The following IL1RAPL2 variants were observed in gnomAD, a reference collection of about 807,000 sequenced individuals.
IL1RAPL2 encodes X-linked interleukin-1 receptor accessory protein-like 2.
IL1RAPL2 carries 3 observed loss-of-function variants against 44.1 expected under a neutral mutation model. The ratio of observed to expected loss-of-function variants is 0.07; its 90% confidence interval spans 0.03 to 0.18. IL1RAPL2 has a LOEUF of 0.18. Among genes scored for constraint, IL1RAPL2 ranks in the 10% least tolerant of loss-of-function variants. The pLI, the probability that IL1RAPL2 is intolerant of heterozygous loss-of-function variation, is 1.00. For synonymous variants in IL1RAPL2, 181 were observed against 178.8 expected (o/e 1.01, Z -0.10); for missense variants, 391 against 496.4 (o/e 0.79, Z 2.02).
At chrX:105,261,172 G>T (rs1034574815) in intron 4 of IL1RAPL2, among the ~76,000 whole-genome samples, 1 of 111,629 alleles carries the variant, frequency 9.0e-6, no homozygotes, top group African/African-American at 3.3e-5. Flanking sequence ...AAGATCCGTG[G>T]GAGAAGGTGG....
intron 2 of IL1RAPL2, among the ~76,000 whole-genome samples, chrX:105,048,184 A>G (rs898300849): frequency 4.5e-5 from 5 of 112,211 alleles, no homozygotes; most frequent in African/African-American, 1.6e-4. Context: ...TGGTTCCTCA[A>G]AAGATATTAA....
chrX:104,578,439 C>T (rs748089013), intron 1 of IL1RAPL2, among the ~76,000 whole-genome samples: 48 of 111,924 alleles, frequency 4.3e-4, no homozygotes, highest in Middle Eastern at 4.6e-3. Context: ...ACACCTTACA[C>T]ATTTCCTGAT....
intron 1 of IL1RAPL2, among the ~76,000 whole-genome samples, chrX:104,587,340 G>A (rs1240072231): frequency 8.9e-6 from 1 of 111,965 alleles, no homozygotes; most frequent in Non-Finnish European, 1.9e-5. Flanking sequence ...GCCCTCAGAA[G>A]ACATCTTGAC....
chrX:105,139,941 T>A (rs1028380784), intron 2 of IL1RAPL2, among the ~76,000 whole-genome samples: 1 of 112,071 alleles, frequency 8.9e-6, no homozygotes, highest in Admixed American at 9.5e-5. Flanking sequence ...CAGACAGATG[T>A]CATCTAACAC....
intron 2 of IL1RAPL2, among the ~76,000 whole-genome samples, chrX:104,713,553 GT>G (rs1464933743): frequency 9.0e-6 from 1 of 110,871 alleles, no homozygotes; most frequent in Non-Finnish European, 1.9e-5. Context: ...TTGAATTCAA[GT>G]TTTTTAAACC....
At chrX:105,237,006 G>A (rs1324084789) in intron 4 of IL1RAPL2, among the ~76,000 whole-genome samples, 3 of 110,232 alleles carry the variant, frequency 2.7e-5, no homozygotes, top group African/African-American at 6.6e-5. Context: ...TCCCCCCACC[G>A]CACAGCAGGA....
At chrX:105,687,356 GA>G (rs1357739908) in intron 6 of IL1RAPL2, among the ~76,000 whole-genome samples, 1 of 110,238 alleles carries the variant, frequency 9.1e-6, no homozygotes, top group Non-Finnish European at 1.9e-5. Flanking sequence ...AGAAAAGAGA[GA>G]AGAATCAAAT....
chrX:105,102,777 A>T (rs188023086), intron 2 of IL1RAPL2, among the ~76,000 whole-genome samples: 27 of 112,105 alleles, frequency 2.4e-4, no homozygotes, highest in African/African-American at 8.7e-4. Flanking sequence ...CAATAACCCA[A>T]AATGAAAGCT....
In IL1RAPL2 at chrX:105,408,155, C is replaced by A. The variant is rs747695102; in HGVS notation, c.698-76158C>A. Among the ~76,000 whole-genome samples the A allele has an allele frequency of 4.5e-5, 5 of 112,248 alleles. No individual in the cohort carries two copies. The South Asian group carries it at 1.1e-3, about 25-fold the overall frequency. On this transcript the variant is annotated intron_variant, in intron 5 of 10. Transcript: ENST00000372582. ...ACATTTTATTATAGCCACCAAAAAA[C>A]AGATGTAAAGTAAAAATAAAGGCAT... is the stretch of plus-strand genomic sequence containing the variant.
intron 2 of IL1RAPL2, among the ~76,000 whole-genome samples, chrX:105,015,052 T>G (rs2031144945): frequency 8.9e-6 from 1 of 112,254 alleles, no homozygotes; most frequent in African/African-American, 3.2e-5. Flanking sequence ...GATTTGCATT[T>G]CCCTAATGAC....
In IL1RAPL2 at chrX:105,071,843, C is replaced by A. The variant is rs145259970; in HGVS notation, c.83-123632C>A. ...ATGCAGAAGAGTGAAATTAGACTCT[C>A]ACATCATATATGAAAATCAACTCAA... On this transcript the variant is annotated intron_variant, in intron 2 of 10. Coordinates refer to ENST00000372582, the MANE Select transcript of IL1RAPL2 (RefSeq NM_017416.2). 2.0e-4 allele frequency among the ~76,000 whole-genome samples: 22 copies of A among 111,872 alleles called. No homozygotes were observed. In the East Asian group the frequency reaches 5.9e-3, roughly 30 times the overall value.
At chrX:105,634,214 C>T (rs1364731466) in intron 6 of IL1RAPL2, among the ~76,000 whole-genome samples, 1 of 111,017 alleles carries the variant, frequency 9.0e-6, no homozygotes, top group Non-Finnish European at 1.9e-5. Flanking sequence ...GTGATAGTAT[C>T]TGAAAAGAGT....
At chrX:104,975,933 G>A (rs1183220938) in intron 2 of IL1RAPL2, among the ~76,000 whole-genome samples, 1 of 111,334 alleles carries the variant, frequency 9.0e-6, no homozygotes, top group Non-Finnish European at 1.9e-5. Context: ...TTTCTAGCCG[G>A]AGCAGCTAGG....
intron 2 of IL1RAPL2, among the ~76,000 whole-genome samples, chrX:104,976,087 A>G (rs1226268587): frequency 9.0e-6 from 1 of 111,212 alleles, no homozygotes; most frequent in Non-Finnish European, 1.9e-5. Flanking sequence ...AAATGTCGTT[A>G]TAATGTATAG....
At chrX:105,568,494 C>T (rs890384238) in intron 6 of IL1RAPL2, among the ~76,000 whole-genome samples, 2 of 111,541 alleles carry the variant, frequency 1.8e-5, no homozygotes, top group Non-Finnish European at 3.8e-5. Flanking sequence ...GGAAAGCACC[C>T]CTGGTGTAGC....
chrX:105,602,101 A>G (rs951492308), intron 6 of IL1RAPL2, among the ~76,000 whole-genome samples: 1 of 111,443 alleles, frequency 9.0e-6, no homozygotes, highest in African/African-American at 3.3e-5. Flanking sequence ...GGCTCATCCA[A>G]TGTCCACTAC....
intron 2 of IL1RAPL2, among the ~76,000 whole-genome samples, chrX:105,026,091 G>T (rs2031367647): frequency 9.1e-6 from 1 of 110,443 alleles, no homozygotes; most frequent in Non-Finnish European, 1.9e-5. Flanking sequence ...ATGATAGCTG[G>T]CCAGCACTGG....
intron 5 of IL1RAPL2, among the ~76,000 whole-genome samples, chrX:105,290,856 A>G (rs774896782): frequency 9.0e-6 from 1 of 111,136 alleles, no homozygotes; most frequent in South Asian, 3.8e-4. Flanking sequence ...CTTGATGGAG[A>G]TAGATTTTCT....
chrX:104,642,375 T>C (rs1205984200), intron 1 of IL1RAPL2, among the ~76,000 whole-genome samples: 1 of 112,690 alleles, frequency 8.9e-6, no homozygotes, highest in Non-Finnish European at 1.9e-5. Context: ...GGGTATGCCA[T>C]AATTTATTTA....
Sources: allele counts gnomAD v4.1 joint callset (sites outside exome capture counted in the v4.1 genomes callset), GRCh38; gene constraint gnomAD v4.1.1; transcripts MANE v1.5; gene names NCBI Gene and HGNC (gene_info 2026-07-23, HGNC 2026-07-21).